RALGAPA1: variants seen among roughly 807,000 people sequenced by gnomAD.
RALGAPA1 encodes Ral GTPase activating protein catalytic subunit alpha 1.
In RALGAPA1, 52 loss-of-function variants were observed where a neutral mutation model predicts 269.6. That is an observed-to-expected ratio of 0.19 (90% CI 0.15 to 0.24). The LOEUF (loss-of-function observed/expected upper bound fraction) is 0.24. Ranked by LOEUF, RALGAPA1 falls within the 10% of genes least tolerant of loss-of-function variation. The probability of loss-of-function intolerance (pLI) is 1.00; values close to 1 mark genes in which losing one functional copy is unlikely to be tolerated. For missense variants in RALGAPA1, 1,917 were observed against 3,013.9 expected (o/e 0.64, Z 8.52); for synonymous variants, 817 against 1,008.3 (o/e 0.81, Z 3.60).
chr14:35,555,857 G>C (rs1395136003), intron 39 of RALGAPA1, among the ~76,000 whole-genome samples: 1 of 152,142 alleles, frequency 6.6e-6, no homozygotes, highest in Non-Finnish European at 1.5e-5. Context: ...CCTAGGTGTT[G>C]TGCGGTGAAA....
Position 35,625,427 on chromosome 14 carries a change from C to A in RALGAPA1, c.6863G>T (p.Ser2288Ile), listed in dbSNP as rs749517987. 2 of 1,604,846 alleles carry A rather than the reference C, an allele frequency of 1.2e-6. No homozygotes were observed. Among genetic ancestry groups the A allele is most frequent in the Non-Finnish European group, 1.7e-6 (2 of 1,174,462 alleles). Reference sequence around the variant, plus strand: ...TTCATTTTTCTTCAGGAGATGAAAGCTCCTCCTAAATAGAGAGATTTATAA... The same window carrying A: ...TTCATTTTTCTTCAGGAGATGAAAGATCCTCCTAAATAGAGAGATTTATAA... ...LGMNSWDKRR[S>I]FHLLKKNEKL... Residue 2288 changes from serine to isoleucine, a missense_variant, in exon 35 of 42, where the codon AGC (serine) becomes ATC (isoleucine). Ser to Ile is a moderately radical substitution (Grantham distance 142). Coordinates refer to ENST00000680220, the MANE Select transcript of RALGAPA1 (RefSeq NM_001346249.2).
intron 37 of RALGAPA1, among the ~76,000 whole-genome samples, chr14:35,578,880 C>A (rs1270343387): frequency 1.3e-5 from 2 of 152,128 alleles, no homozygotes; most frequent in Non-Finnish European, 2.9e-5. Flanking sequence ...GGAGATACAG[C>A]AGTAAGCAAA....
intron 35 of RALGAPA1, among the ~76,000 whole-genome samples, chr14:35,607,873 T>C (rs1283221545): frequency 1.3e-5 from 2 of 152,136 alleles, no homozygotes; most frequent in African/African-American, 4.8e-5. Flanking sequence ...ACAGTCAATT[T>C]TGGAGTTCAA....
chr14:35,570,566 T>C, intron 39 of RALGAPA1, 51 bp downstream of exon 39: 1 of 1,435,600 alleles, frequency 7.0e-7, no homozygotes, highest in Non-Finnish European at 9.4e-7. Context: ...TATTTACCTT[T>C]GTGAGTAGAC....
rs202153870 is a variant in RALGAPA1, at chr14:35,634,556, G to A, written c.5995+18C>T. 4.2e-5 allele frequency: 68 copies of A among 1,601,072 alleles called. No homozygotes were observed. In the Middle Eastern group the frequency reaches 5.6e-4, roughly 13 times the overall value. Reference sequence around the variant, plus strand: ...AGAACCCAAGCAACAATATTGTCCTGAACAGAATTCATGTTACCTTCTGTT... The same window carrying A: ...AGAACCCAAGCAACAATATTGTCCTAAACAGAATTCATGTTACCTTCTGTT... On this transcript the variant is annotated intron_variant, in intron 33 of 41. Coordinates refer to ENST00000680220, the MANE Select transcript of RALGAPA1 (RefSeq NM_001346249.2).
At chr14:35,697,054 C>A (rs1422340574) in intron 17 of RALGAPA1, among the ~76,000 whole-genome samples, 2 of 152,122 alleles carry the variant, frequency 1.3e-5, no homozygotes, top group Non-Finnish European at 2.9e-5. Context: ...ATTCTTATAA[C>A]TCATACATTT....
chr14:35,708,010 G>C (rs1438367977), intron 16 of RALGAPA1, among the ~76,000 whole-genome samples: 1 of 151,454 alleles, frequency 6.6e-6, no homozygotes, highest in Non-Finnish European at 1.5e-5. Flanking sequence ...ACATACACTG[G>C]GGAAAGGACA....
At chr14:35,680,317 C>T (rs1008144224) in intron 21 of RALGAPA1, among the ~76,000 whole-genome samples, 3 of 152,108 alleles carry the variant, frequency 2.0e-5, no homozygotes, top group African/African-American at 7.2e-5. Context: ...AAGCAATTCT[C>T]CTGCCTCAGC....
chr14:35,809,196 C>G lies in RALGAPA1; in HGVS notation c.-361G>C, dbSNP rs1055246050. 6.1e-5 allele frequency: 15 copies of G among 245,402 alleles called. No individual in the cohort carries two copies. The highest frequency in any genetic ancestry group is 6.2e-5 in the Non-Finnish European group (8 of 128,932). 15.2% of individuals were successfully genotyped at this position (245,402 alleles called of 1,614,324 possible). A position where few individuals can be genotyped will look rare whatever the true frequency, so the allele number is the denominator to read the frequency against. ...CGGACCCAGAGCCACGAAGGTGGAGCTCTCGGCGGCAGGAGCACAACTCTC... is the reference window on the plus strand; with the variant it reads ...CGGACCCAGAGCCACGAAGGTGGAGGTCTCGGCGGCAGGAGCACAACTCTC... On this transcript the variant is annotated 5_prime_UTR_variant, in exon 1 of 42. Coordinates refer to ENST00000680220, the MANE Select transcript of RALGAPA1 (RefSeq NM_001346249.2).
chr14:35,645,022 GGGT>G (rs1421624986), intron 31 of RALGAPA1, among the ~76,000 whole-genome samples: 1 of 152,132 alleles, frequency 6.6e-6, no homozygotes, highest in East Asian at 1.9e-4. Context: ...ACTTTACACT[GGGT>G]GGCTTAAACA....
chr14:35,672,403 A>G (rs1332397809), intron 25 of RALGAPA1, among the ~76,000 whole-genome samples: 1 of 152,162 alleles, frequency 6.6e-6, no homozygotes. Flanking sequence ...TATCAAATCA[A>G]TGTAACTGTC....
intron 4 of RALGAPA1, 131 bp from the exon 5 acceptor site, chr14:35,762,884 T>C (rs1364207552): frequency 1.6e-6 from 1 of 623,706 alleles, no homozygotes; most frequent in African/African-American, 1.9e-5. Context: ...GACCTTTATA[T>C]CCTTCTGCCA....
chr14:35,687,232 T>G (rs766697716), intron 18 of RALGAPA1, among the ~76,000 whole-genome samples: 3 of 152,230 alleles, frequency 2.0e-5, no homozygotes, highest in Non-Finnish European at 4.4e-5. Context: ...AATAGTTATT[T>G]TGATTTTTTT....
At chr14:35,611,763 A>C (rs2059950570) in intron 35 of RALGAPA1, among the ~76,000 whole-genome samples, 1 of 152,114 alleles carries the variant, frequency 6.6e-6, no homozygotes, top group Non-Finnish European at 1.5e-5. Flanking sequence ...AAAACAGGAA[A>C]AAAACCCTCT....
At chr14:35,575,749 C>T (rs1309265741) in intron 37 of RALGAPA1, among the ~76,000 whole-genome samples, 1 of 152,146 alleles carries the variant, frequency 6.6e-6, no homozygotes, top group African/African-American at 2.4e-5. Context: ...CTCCCACCCC[C>T]ACGCCCAGCT....
chr14:35,576,430 G>GTC (rs1483785318), intron 37 of RALGAPA1, among the ~76,000 whole-genome samples: 2 of 152,122 alleles, frequency 1.3e-5, no homozygotes, highest in African/African-American at 4.8e-5. Context: ...GCTTATGAAG[G>GTC]TCTATTGTTA....
At chr14:35,724,333 C>A (rs2140978830) in intron 14 of RALGAPA1, among the ~76,000 whole-genome samples, 1 of 152,148 alleles carries the variant, frequency 6.6e-6, no homozygotes, top group South Asian at 2.1e-4. Context: ...ATTTAAATGG[C>A]TACTCTTGGC....
chr14:35,765,812 C>A, intron 4 of RALGAPA1: 2 of 556,660 alleles, frequency 3.6e-6, no homozygotes, highest in Non-Finnish European at 6.4e-6. Context: ...TACTGTCTTA[C>A]ATGTGCATCA....
chr14:35,711,380 C>T (rs539816323), intron 16 of RALGAPA1, among the ~76,000 whole-genome samples: 2 of 152,224 alleles, frequency 1.3e-5, no homozygotes, highest in South Asian at 2.1e-4. Flanking sequence ...ATGAATTACA[C>T]TACATTTTAA....
Sources: allele counts gnomAD v4.1 joint callset (sites outside exome capture counted in the v4.1 genomes callset), GRCh38; gene constraint gnomAD v4.1.1; transcripts MANE v1.5; gene names NCBI Gene and HGNC (gene_info 2026-07-23, HGNC 2026-07-21).